Variants in CA2 observed in about 807,000 individuals in gnomAD.
CA2 encodes carbonate dehydratase II.
In CA2, 23 loss-of-function variants were observed where a neutral mutation model predicts 27.8. The ratio of observed to expected loss-of-function variants is 0.83; its 90% CI spans 0.59 to 1.17. The LOEUF (loss-of-function observed/expected upper bound fraction) is 1.17, where lower values mean the gene tolerates loss of function less well. Ranked by LOEUF, CA2 falls within the 50% of genes most tolerant of loss-of-function variation. CA2 has a pLI of 0.00. For missense variants in CA2, 300 were observed against 314.7 expected (o/e 0.95, Z 0.35); for synonymous variants, 99 against 114.9 (o/e 0.86, Z 0.88).
At chr8:85,477,356 A>T (rs993277346) in intron 6 of CA2, 81 bp downstream of exon 6, 4 of 1,520,836 alleles carry the variant, frequency 2.6e-6, no homozygotes, top group Non-Finnish European at 3.6e-6. Context: ...AGTGAGAGAG[A>T]ACTGAGATTT....
chr8:85,471,793 G>T (rs1160849569), intron 2 of CA2, among the ~76,000 whole-genome samples: 1 of 151,382 alleles, frequency 6.6e-6, no homozygotes, highest in Non-Finnish European at 1.5e-5. Flanking sequence ...ATATTATTAT[G>T]AAAAAAGGGA....
chr8:85,467,225 A>G (rs1443138545), intron 2 of CA2, among the ~76,000 whole-genome samples: 1 of 152,252 alleles, frequency 6.6e-6, no homozygotes, highest in African/African-American at 2.4e-5. Context: ...GTATTACTGG[A>G]AAGTGGATTT....
intron 2 of CA2, among the ~76,000 whole-genome samples, chr8:85,466,688 A>T (rs1811636613): frequency 6.6e-6 from 1 of 151,686 alleles, no homozygotes; most frequent in East Asian, 1.9e-4. Context: ...ATACACACAC[A>T]CACACACACA....
chr8:85,468,968 G>A (rs989417231), intron 2 of CA2, among the ~76,000 whole-genome samples: 15 of 151,746 alleles, frequency 9.9e-5, no homozygotes, highest in African/African-American at 1.5e-4. Flanking sequence ...TTGCTAAGTC[G>A]TCTCCTTGCT....
At chr8:85,473,511 G>A (rs1811739533) in intron 2 of CA2, 182 bp from the exon 3 acceptor site, 1 of 683,544 alleles carries the variant, frequency 1.5e-6, no homozygotes, top group African/African-American at 1.8e-5. Flanking sequence ...ACTTGACTCT[G>A]GATTGAATTT....
intron 2 of CA2, among the ~76,000 whole-genome samples, chr8:85,471,385 CTTT>C (rs35626325): frequency 5.8e-4 from 87 of 150,146 alleles, no homozygotes; most frequent in Admixed American, 4.6e-4. Flanking sequence ...AGCACTTTAT[CTTT>C]TTTTTTTTTT....
intron 1 of CA2, chr8:85,465,023 T>C: frequency 2.0e-6 from 1 of 498,292 alleles, no homozygotes; most frequent in Non-Finnish European, 3.6e-6. Context: ...CACTCAGTGA[T>C]CTAAGAGCTT....
At chr8:85,474,229 G>A (rs1443299958) in intron 3 of CA2, 95 bp from the exon 4 acceptor site, 3 of 930,246 alleles carry the variant, frequency 3.2e-6, no homozygotes, top group Non-Finnish European at 5.4e-6. Flanking sequence ...TCAATTTCCT[G>A]AGTAACCTTT....
intron 2 of CA2, among the ~76,000 whole-genome samples, chr8:85,469,122 G>T (rs1811675468): frequency 2.6e-5 from 4 of 152,048 alleles, no homozygotes; most frequent in Admixed American, 2.6e-4. Context: ...AAGTCAAAAA[G>T]TTATTTATTT....
At position 85,474,381 on chromosome 8, in the gene CA2, C is replaced by T. The variant is rs373931497; in HGVS notation, c.409C>T (p.Pro137Ser). ...YGDFGKAVQQ[P>S]DGLAVLGIFL... is the part of the protein sequence containing the mutation. ...GGATTTTGGGAAAGCTGTGCAGCAACCTGATGGACTGGCCGTTCTAGGTAT... is the reference window on the plus strand; with the variant it reads ...GGATTTTGGGAAAGCTGTGCAGCAATCTGATGGACTGGCCGTTCTAGGTAT... Residue 137 changes from proline to serine, a missense_variant, in exon 4 of 7, where the codon CCT (proline) becomes TCT (serine). By Grantham distance (74) the Pro-to-Ser change is moderately conservative. Coordinates refer to ENST00000285379, the MANE Select transcript of CA2 (RefSeq NM_000067.3). 2 of 1,614,022 alleles carry T rather than the reference C, an allele frequency of 1.2e-6. No individual in the cohort carries two copies. Among genetic ancestry groups the T allele is most frequent in the Non-Finnish European group, 1.7e-6 (2 of 1,179,904 alleles).
chr8:85,476,906 T>G (rs922379980), intron 5 of CA2, among the ~76,000 whole-genome samples: 16 of 152,288 alleles, frequency 1.1e-4, no homozygotes, highest in African/African-American at 1.2e-4. Context: ...AAATAGTTTT[T>G]TTTTTTTTTT....
chr8:85,475,191 C>CA (rs973315413), intron 4 of CA2, among the ~76,000 whole-genome samples: 8 of 151,106 alleles, frequency 5.3e-5, no homozygotes, highest in Admixed American at 1.3e-4. Flanking sequence ...AACTAACAAA[C>CA]AAAAAAACAA....
chr8:85,477,515 G>C (rs1811821414), intron 6 of CA2, among the ~76,000 whole-genome samples: 1 of 150,174 alleles, frequency 6.7e-6, no homozygotes, highest in East Asian at 2.0e-4. Flanking sequence ...AGGATTCAAT[G>C]AGAAAGATGT....
rs994301808 is a variant in CA2, at chr8:85,464,409, G to T, written c.34+294G>T. The T allele has an allele frequency of 2.0e-4, 82 of 402,916 alleles. 1 individual carries two copies. The Middle Eastern group carries it at 3.9e-3, about 19-fold the overall frequency. 25.0% of individuals were successfully genotyped at this position (402,916 alleles called of 1,614,324 possible). A position where few individuals can be genotyped will look rare whatever the true frequency, so the allele number is the denominator to read the frequency against. ...AGGCGCAGCCCTGGCCGCGGGACCC[G>T]AGGACAGTCCCTCCCGGGTCCCGAC... is the stretch of plus-strand genomic sequence containing the variant. On this transcript the variant is annotated intron_variant, in intron 1 of 6. Transcript: ENST00000285379.
At chr8:85,465,222 G>A (rs1414932877) in intron 1 of CA2, 50 bp from the exon 2 acceptor site, 1 of 1,442,432 alleles carries the variant, frequency 6.9e-7, no homozygotes, top group South Asian at 1.1e-5. Flanking sequence ...CTAGGGGTCT[G>A]GGTGTACCTT....
Position 85,480,836 on chromosome 8 carries a change from C to G in CA2, c.*47C>G. The G allele has an allele frequency of 6.2e-7, 1 of 1,605,854 alleles. No homozygotes were observed. The highest frequency in any genetic ancestry group is 1.1e-5 in the South Asian group (1 of 90,788). On this transcript the variant is annotated 3_prime_UTR_variant, in exon 7 of 7. Coordinates refer to ENST00000285379, the MANE Select transcript of CA2 (RefSeq NM_000067.3). Reference sequence around the variant, plus strand: ...CAAATAATGAATCTTCGGGTGTTTCCCTTTAGCTAAGCACAGATCTACCTT... The same window carrying G: ...CAAATAATGAATCTTCGGGTGTTTCGCTTTAGCTAAGCACAGATCTACCTT...
rs1165599024 is a variant in CA2 at position 85,477,178 on chromosome 8, A to G, written c.566A>G (p.Asp189Gly). The G allele has an allele frequency of 1.2e-6, 2 of 1,613,972 alleles. No individual in the cohort carries two copies. The highest frequency in any genetic ancestry group is 3.3e-5 in the Admixed American group (2 of 59,980). The change falls in exon 6 of 7, where the codon GAT (aspartate) becomes GGT (glycine). Residue 189 changes from aspartate (D) to glycine (G), a missense_variant. Transcript: ENST00000285379. ...CGTGGCCTCCTTCCTGAATCCTTGG[A>G]TTACTGGACCTACCCAGGCTCACTG... The part of the protein sequence containing the change: ...DPRGLLPESL[D>G]YWTYPGSLTT...
chr8:85,468,894 A>G (rs1811671440), intron 2 of CA2, among the ~76,000 whole-genome samples: 1 of 152,016 alleles, frequency 6.6e-6, no homozygotes, highest in South Asian at 2.1e-4. Context: ...CAAAGAATAG[A>G]GATACTCTAG....
chr8:85,477,039 C>T, intron 5 of CA2, 81 bp from the exon 6 acceptor site: 2 of 1,359,844 alleles, frequency 1.5e-6, no homozygotes, highest in Non-Finnish European at 2.1e-6. Context: ...GGGAGTATAC[C>T]TATTTGTGTC....
Sources: allele counts gnomAD v4.1 joint callset (sites outside exome capture counted in the v4.1 genomes callset), GRCh38; gene constraint gnomAD v4.1.1; transcripts MANE v1.5; gene names NCBI Gene and HGNC (gene_info 2026-07-23, HGNC 2026-07-21).